CAP2: variants seen among roughly 807,000 people sequenced by gnomAD.
The protein encoded by CAP2 is adenylyl cyclase-associated protein 2.
In CAP2, 24 loss-of-function variants were observed where a neutral mutation model predicts 57.7. The ratio of observed to expected loss-of-function variants is 0.42; its 90% confidence interval spans 0.30 to 0.58. The LOEUF (loss-of-function observed/expected upper bound fraction) is 0.58. CAP2 is among the 20% of genes least tolerant of loss of function. CAP2 has a pLI of 0.22. For missense variants in CAP2, 501 were observed against 590.3 expected, an observed-to-expected ratio of 0.85 and a Z score of 1.57; for synonymous variants, 194 against 207.2, an observed-to-expected ratio of 0.94 and a Z score of 0.55.
intron 1 of CAP2, among the ~76,000 whole-genome samples, chr6:17,413,871 T>C (rs534444004): frequency 2.6e-5 from 4 of 152,146 alleles, no homozygotes; most frequent in Non-Finnish European, 5.9e-5. Context: ...CTGGCCAACA[T>C]GGCGAAACCC....
chr6:17,505,877 TTTC>T lies in CAP2; in HGVS notation c.301-1291_301-1289del, dbSNP rs1379390674. Among the ~76,000 whole-genome samples, 8 of 152,240 alleles carry T rather than the reference TTTC, an allele frequency of 5.3e-5. No homozygotes were observed. In the East Asian group the frequency reaches 1.5e-3, roughly 29 times the overall value. ...ATAACTCAGCTCATGTCATTTTGTT[TTTC>T]ATTTCTTATTTTTACTTATTTACAT... On this transcript the variant is annotated intron_variant, in intron 4 of 12. Transcript: ENST00000229922.
chr6:17,400,064 C>CA (rs370527132), intron 1 of CAP2, among the ~76,000 whole-genome samples: 41,689 of 145,430 alleles, frequency 0.29, 5,778 homozygotes, highest in South Asian at 0.36. Flanking sequence ...ATTAAAAATA[C>CA]AAAAAAAAAA....
At chr6:17,502,335 T>A (rs957184014) in intron 4 of CAP2, among the ~76,000 whole-genome samples, 1 of 152,190 alleles carries the variant, frequency 6.6e-6, no homozygotes, top group Non-Finnish European at 1.5e-5. Context: ...TTGATGGAAG[T>A]CACACCATCA....
At chr6:17,552,553 A>C (rs1763195657) in intron 12 of CAP2, among the ~76,000 whole-genome samples, 1 of 152,156 alleles carries the variant, frequency 6.6e-6, no homozygotes, top group Admixed American at 6.5e-5. Context: ...AATTACTTGA[A>C]CCCGAGAGGC....
chr6:17,438,447 T>TTTTG lies in CAP2; in HGVS notation c.222+11760_222+11761insGTTT, dbSNP rs1262267757. 7.0e-5 allele frequency among the ~76,000 whole-genome samples: 9 copies of TTTTG among 129,390 alleles called. 1 individual carries two copies. In the East Asian group the frequency reaches 1.4e-3, roughly 20 times the overall value. 84.9% of individuals were successfully genotyped at this position (129,390 alleles called of 152,430 possible). ...CATCCAGAAGTGTTTTTTTTTTTTTTTTTTTTTTTGAGACGGAATCTTTGT... is the reference window on the plus strand; with the variant it reads ...CATCCAGAAGTGTTTTTTTTTTTTTTTTTGTTTTTTTTTGAGACGGAATCTTTGT... On this transcript the variant is annotated intron_variant, in intron 3 of 12. Transcript: ENST00000229922.
At chr6:17,470,999 T>C (rs1167062918) in intron 4 of CAP2, among the ~76,000 whole-genome samples, 1 of 152,222 alleles carries the variant, frequency 6.6e-6, no homozygotes, top group Non-Finnish European at 1.5e-5. Context: ...TACAGTGAGT[T>C]TATACTTTTT....
At chr6:17,473,148 G>C (rs185393438) in intron 4 of CAP2, among the ~76,000 whole-genome samples, 3 of 152,090 alleles carry the variant, frequency 2.0e-5, no homozygotes. Flanking sequence ...TCACACCCTG[G>C]GGATTCAAGA....
chr6:17,406,756 C>G (rs1758989974), intron 1 of CAP2, among the ~76,000 whole-genome samples: 1 of 152,106 alleles, frequency 6.6e-6, no homozygotes, highest in South Asian at 2.1e-4. Flanking sequence ...CCACACAGTT[C>G]TGTGACTACG....
chr6:17,515,571 C>T (rs1762259530), intron 7 of CAP2, among the ~76,000 whole-genome samples: 1 of 151,990 alleles, frequency 6.6e-6, no homozygotes, highest in South Asian at 2.1e-4. Flanking sequence ...TACAATATAC[C>T]CACGTAACAA....
chr6:17,478,023 T>C (rs1761195335), intron 4 of CAP2, among the ~76,000 whole-genome samples: 1 of 148,102 alleles, frequency 6.8e-6, no homozygotes, highest in Non-Finnish European at 1.5e-5. Flanking sequence ...ATATATTAAT[T>C]ATATATCATT....
chr6:17,503,604 CAAAA>C lies in CAP2; in HGVS notation c.301-3547_301-3544del, dbSNP rs763364878. Among the ~76,000 whole-genome samples, 78 of 73,354 alleles carry C rather than the reference CAAAA, an allele frequency of 1.1e-3. 1 individual carries two copies. The East Asian group carries it at 0.016, about 15-fold the overall frequency. 48.1% of individuals were successfully genotyped at this position (73,354 alleles called of 152,430 possible). A position where few individuals can be genotyped will look rare whatever the true frequency, so the allele number is the denominator to read the frequency against. The stretch of plus-strand genomic sequence containing the variant: ...AGGCGACAAGAGCAAAACTCTATCT[CAAAA>C]AAAAAAAAAAAAAAAAAGACACCAG... On this transcript the variant is annotated intron_variant, in intron 4 of 12. Transcript: ENST00000229922.
At position 17,556,462 on chromosome 6, in the gene CAP2, C is replaced by T; in HGVS notation, c.*20C>T. On this transcript the variant is annotated 3_prime_UTR_variant, in exon 13 of 13. Transcript: ENST00000229922. Reference sequence around the variant, plus strand: ...GCCTAACTTCCTGAGAGACCGAACCCCCTCACCTGAATCCCCCTCTATCAA... The same window carrying T: ...GCCTAACTTCCTGAGAGACCGAACCTCCTCACCTGAATCCCCCTCTATCAA... 1 of 1,536,784 alleles carries T rather than the reference C, an allele frequency of 6.5e-7. No homozygotes were observed. The highest frequency in any genetic ancestry group is 1.4e-5 in the African/African-American group (1 of 73,472).
chr6:17,404,340 TCATG>T (rs1293734407), intron 1 of CAP2, among the ~76,000 whole-genome samples: 1 of 152,150 alleles, frequency 6.6e-6, no homozygotes, highest in Non-Finnish European at 1.5e-5. Flanking sequence ...GTGCGGTGGC[TCATG>T]CCTGTAATCC....
intron 4 of CAP2, among the ~76,000 whole-genome samples, chr6:17,477,729 A>G (rs1198159210): frequency 6.6e-6 from 1 of 152,140 alleles, no homozygotes; most frequent in Non-Finnish European, 1.5e-5. Context: ...TGAAAAAACT[A>G]TTGTTCCCAT....
At chr6:17,516,387 C>A (rs376171709) in intron 7 of CAP2, among the ~76,000 whole-genome samples, 1 of 152,156 alleles carries the variant, frequency 6.6e-6, no homozygotes, top group South Asian at 2.1e-4. Context: ...CCTTTTGAAT[C>A]TCTGCACTTG....
intron 3 of CAP2, among the ~76,000 whole-genome samples, chr6:17,439,718 C>T (rs1468251571): frequency 6.6e-6 from 1 of 151,536 alleles, no homozygotes; most frequent in Admixed American, 6.6e-5. Context: ...CAATAGGGTT[C>T]ATGCTCCTAT....
rs4052821 is a variant in CAP2, at chr6:17,500,340, AATATATATATAT to A, written c.301-6796_301-6785del. ...GTCCAAATATATATGTGTGTGTCCA[AATATATATATAT>A]ATATATATATATATATATATATATA... On this transcript the variant is annotated intron_variant, in intron 4 of 12. Coordinates refer to ENST00000229922, the MANE Select transcript of CAP2 (RefSeq NM_006366.3). Among the ~76,000 whole-genome samples, 300 of 33,078 alleles carry A rather than the reference AATATATATATAT, an allele frequency of 9.1e-3. 13 individuals carry two copies. The highest frequency in any genetic ancestry group is 0.038 in the South Asian group (27 of 714). The allele number at this position is 33,078 out of a possible 152,430, so 21.7% of individuals were successfully genotyped here.
intron 6 of CAP2, 84 bp downstream of exon 6, chr6:17,507,810 G>A (rs999325201): frequency 3.9e-6 from 3 of 764,930 alleles, no homozygotes; most frequent in Non-Finnish European, 7.1e-6. Flanking sequence ...GTTAACTACT[G>A]ATTCCTTTCC....
chr6:17,518,188 A>G (rs912842063), intron 7 of CAP2, among the ~76,000 whole-genome samples: 5 of 152,184 alleles, frequency 3.3e-5, no homozygotes, highest in African/African-American at 9.6e-5. Context: ...GCCTAGAAAT[A>G]TATTTCCTGA....
Sources: allele counts gnomAD v4.1 joint callset (sites outside exome capture counted in the v4.1 genomes callset), GRCh38; gene constraint gnomAD v4.1.1; transcripts MANE v1.5; gene names NCBI Gene and HGNC (gene_info 2026-07-23, HGNC 2026-07-21).